The following FBXL17 variants were observed in gnomAD, a reference collection of about 807,000 sequenced individuals.
FBXL17 encodes the protein F-box/LRR-repeat protein 17.
A neutral mutation model predicts 66.2 loss-of-function variants in FBXL17; 22 were observed. That is an observed-to-expected ratio of 0.33 (90% confidence interval 0.24 to 0.47). The LOEUF is 0.47. Among genes scored for constraint, FBXL17 ranks in the 20% least tolerant of loss-of-function variants. FBXL17 has a pLI of 1.00. For synonymous variants in FBXL17, 474 were observed against 400.5 expected (o/e 1.18, Z -2.19); for missense variants, 878 against 948.2 (o/e 0.93, Z 0.97).
In FBXL17 at chr5:108,055,607, T is replaced by TC. The variant is rs1747674462; in HGVS notation, c.1746-34607dup. 1.1e-4 allele frequency among the ~76,000 whole-genome samples: 3 copies of TC among 28,168 alleles called. No homozygotes were observed. The Admixed American group carries it at 1.4e-3, about 13-fold the overall frequency. The allele number at this position is 28,168 out of a possible 152,430, so 18.5% of individuals were successfully genotyped here. A position where few individuals can be genotyped will look rare whatever the true frequency, so the allele number is the denominator to read the frequency against. ...CTGGGCGACACAGCGAGACTCTGTCTCAAAAAAAAAAAAAAAAAAAAAAAG... is the reference window on the plus strand; with the variant it reads ...CTGGGCGACACAGCGAGACTCTGTCTCCAAAAAAAAAAAAAAAAAAAAAAAG... On this transcript the variant is annotated intron_variant, in intron 6 of 8. Coordinates refer to ENST00000542267, the MANE Select transcript of FBXL17 (RefSeq NM_001163315.3).
At chr5:107,956,565 T>C (rs781215510) in intron 7 of FBXL17, among the ~76,000 whole-genome samples, 3 of 152,206 alleles carry the variant, frequency 2.0e-5, no homozygotes, top group African/African-American at 4.8e-5. Flanking sequence ...TCTGAAAGTA[T>C]TTTAATATCT....
At chr5:108,267,388 A>C (rs151141757) in intron 4 of FBXL17, among the ~76,000 whole-genome samples, 1 of 152,210 alleles carries the variant, frequency 6.6e-6, no homozygotes, top group Non-Finnish European at 1.5e-5. Flanking sequence ...CTTCTAGTTT[A>C]TATAAGACAT....
At chr5:107,969,918 A>C (rs577394374) in intron 7 of FBXL17, among the ~76,000 whole-genome samples, 1 of 152,328 alleles carries the variant, frequency 6.6e-6, no homozygotes, top group South Asian at 2.1e-4. Context: ...TATTTTGAAC[A>C]CTAATGCCAT....
chr5:108,235,800 G>A (rs775406822), intron 4 of FBXL17, among the ~76,000 whole-genome samples: 4 of 152,092 alleles, frequency 2.6e-5, no homozygotes, highest in Non-Finnish European at 4.4e-5. Context: ...AGTGTCCCAC[G>A]TACAACAGAA....
chr5:108,233,888 G>A (rs1755480160), intron 4 of FBXL17, among the ~76,000 whole-genome samples: 2 of 152,164 alleles, frequency 1.3e-5, no homozygotes, highest in African/African-American at 4.8e-5. Context: ...GGGAAGAGGA[G>A]GAGAATGTTG....
At chr5:108,244,630 A>G (rs2150105649) in intron 4 of FBXL17, among the ~76,000 whole-genome samples, 1 of 152,316 alleles carries the variant, frequency 6.6e-6, no homozygotes, top group Non-Finnish European at 1.5e-5. Flanking sequence ...ATATCATTGT[A>G]CTTGATAAAA....
chr5:108,312,408 C>T (rs1355093273), intron 4 of FBXL17, among the ~76,000 whole-genome samples: 1 of 152,096 alleles, frequency 6.6e-6, no homozygotes, highest in Non-Finnish European at 1.5e-5. Context: ...TAGCAGATTG[C>T]TTGACTGTAG....
At chr5:108,236,075 G>T (rs1270477439) in intron 4 of FBXL17, among the ~76,000 whole-genome samples, 1 of 152,224 alleles carries the variant, frequency 6.6e-6, no homozygotes, top group Non-Finnish European at 1.5e-5. Context: ...TGTGGGATTA[G>T]TGGCACATGC....
intron 5 of FBXL17, among the ~76,000 whole-genome samples, chr5:108,218,262 C>T (rs1754699690): frequency 6.6e-6 from 1 of 152,012 alleles, no homozygotes; most frequent in Non-Finnish European, 1.5e-5. Context: ...CCCACCTCGG[C>T]CTCCCAAAGT....
intron 6 of FBXL17, among the ~76,000 whole-genome samples, chr5:108,183,514 T>G (rs1431486888): frequency 6.6e-6 from 1 of 152,240 alleles, no homozygotes; most frequent in East Asian, 1.9e-4. Context: ...GAGAAGAATT[T>G]TACTTTGTAA....
intron 6 of FBXL17, among the ~76,000 whole-genome samples, chr5:108,147,400 G>A (rs538071116): frequency 1.3e-5 from 2 of 152,168 alleles, no homozygotes; most frequent in South Asian, 4.2e-4. Flanking sequence ...TGTAAAACAT[G>A]GGCCAGGCAC....
chr5:107,966,622 T>G (rs1752150707), intron 7 of FBXL17, among the ~76,000 whole-genome samples: 1 of 152,284 alleles, frequency 6.6e-6, no homozygotes, highest in Admixed American at 6.5e-5. Flanking sequence ...GAAGCATTTT[T>G]GTTCGACCTC....
chr5:108,131,918 C>A (rs1021548930), intron 6 of FBXL17, among the ~76,000 whole-genome samples: 2 of 151,536 alleles, frequency 1.3e-5, no homozygotes, highest in Non-Finnish European at 2.9e-5. Flanking sequence ...TAGTATTCTA[C>A]TAGGAGGATA....
intron 4 of FBXL17, among the ~76,000 whole-genome samples, chr5:108,263,330 C>T (rs899259830): frequency 6.6e-6 from 1 of 151,950 alleles, no homozygotes; most frequent in African/African-American, 2.4e-5. Context: ...AAGAAAAAAA[C>T]TATCATTATT....
intron 5 of FBXL17, among the ~76,000 whole-genome samples, chr5:108,193,730 T>C (rs1304143269): frequency 6.6e-6 from 1 of 152,090 alleles, no homozygotes; most frequent in East Asian, 1.9e-4. Flanking sequence ...CAGCAATTGC[T>C]AGTACTATGA....
chr5:108,219,251 G>A lies in FBXL17; in HGVS notation c.1614+4870C>T, dbSNP rs543462354. Among the ~76,000 whole-genome samples the A allele has an allele frequency of 2.6e-5, 4 of 152,252 alleles. No individual in the cohort carries two copies. The East Asian group carries it at 7.7e-4, about 29-fold the overall frequency. On this transcript the variant is annotated intron_variant, in intron 5 of 8. Transcript: ENST00000542267. Reference sequence around the variant, plus strand: ...GAAGTCATCTGGGATGGGAGTATTGGAAAATTTTTAACTACAGAAGCAATT... The same window carrying A: ...GAAGTCATCTGGGATGGGAGTATTGAAAAATTTTTAACTACAGAAGCAATT...
chr5:108,076,841 G>C (rs897329383), intron 6 of FBXL17, among the ~76,000 whole-genome samples: 8 of 152,104 alleles, frequency 5.3e-5, no homozygotes, highest in Admixed American at 4.6e-4. Context: ...AGGCATTTTT[G>C]CTAGCCAGAC....
intron 7 of FBXL17, among the ~76,000 whole-genome samples, chr5:107,945,729 G>A (rs1423049760): frequency 6.6e-6 from 1 of 152,184 alleles, no homozygotes; most frequent in African/African-American, 2.4e-5. Context: ...AGATGTGCCA[G>A]GGAATGATAC....
At chr5:108,059,672 T>G (rs1222773640) in intron 6 of FBXL17, among the ~76,000 whole-genome samples, 1 of 152,202 alleles carries the variant, frequency 6.6e-6, no homozygotes, top group Non-Finnish European at 1.5e-5. Context: ...CAGAAGACAA[T>G]TTTGACCACG....
Sources: gnomAD v4.1 joint callset for allele counts (sites outside exome capture counted in the v4.1 genomes callset) on GRCh38, gnomAD v4.1.1 for gene constraint, MANE v1.5 for transcripts, NCBI Gene and HGNC (gene_info 2026-07-23, HGNC 2026-07-21) for gene names.